The following DNM3 variants were observed in gnomAD, a reference collection of about 807,000 sequenced individuals.
The protein encoded by DNM3 is dynamin-3.
DNM3 carries 47 observed loss-of-function variants against 101.6 expected under a neutral mutation model. That is an observed-to-expected ratio of 0.46 (90% confidence interval 0.37 to 0.59). The LOEUF (loss-of-function observed/expected upper bound fraction) is 0.59, where lower values mean the gene tolerates loss of function less well. Among genes scored for constraint, DNM3 ranks in the 20% least tolerant of loss-of-function variants. The pLI is 0.00. For missense variants in DNM3, 849 were observed against 1,085.7 expected (o/e 0.78, Z 3.06); for synonymous variants, 385 against 387.9 (o/e 0.99, Z 0.09).
intron 1 of DNM3, among the ~76,000 whole-genome samples, chr1:171,908,391 T>G (rs2039003339): frequency 6.6e-6 from 1 of 152,222 alleles, no homozygotes; most frequent in Non-Finnish European, 1.5e-5. Flanking sequence ...TTAGGTTGCA[T>G]AAATATGTAA....
intron 7 of DNM3, among the ~76,000 whole-genome samples, chr1:172,039,076 G>A (rs2049172156): frequency 6.6e-6 from 1 of 151,966 alleles, no homozygotes; most frequent in African/African-American, 2.4e-5. Flanking sequence ...TGGTGTCTTG[G>A]GGTAGGATAG....
intron 13 of DNM3, 133 bp downstream of exon 13, chr1:172,093,008 G>T: frequency 6.0e-6 from 5 of 835,476 alleles, no homozygotes; most frequent in Admixed American, 3.2e-5. Context: ...ATTTTGATTT[G>T]TTTTTGCTTT....
intron 17 of DNM3, among the ~76,000 whole-genome samples, chr1:172,335,171 G>A (rs911764306): frequency 1.3e-5 from 2 of 152,122 alleles, no homozygotes; most frequent in African/African-American, 4.8e-5. Context: ...TGCCAATCAA[G>A]ATTTTTTTAA....
intron 14 of DNM3, among the ~76,000 whole-genome samples, chr1:172,210,407 A>G (rs1285275311): frequency 1.3e-5 from 2 of 149,608 alleles, no homozygotes; most frequent in African/African-American, 5.0e-5. Flanking sequence ...TTGCCTCCCT[A>G]AAGGATCACT....
At chr1:172,375,668 A>G (rs556391106) in intron 17 of DNM3, among the ~76,000 whole-genome samples, 34 of 152,222 alleles carry the variant, frequency 2.2e-4, no homozygotes, top group African/African-American at 8.2e-4. Flanking sequence ...GCCCCAAGGT[A>G]TGGTGAGAAT....
At chr1:172,195,369 A>T (rs598577) in intron 14 of DNM3, among the ~76,000 whole-genome samples, 35,680 of 151,618 alleles carry the variant, frequency 0.24, 7,002 homozygotes, top group African/African-American at 0.54. Context: ...GCACCTTCAA[A>T]CAAAGACAGT....
At position 171,873,567 on chromosome 1, in the gene DNM3, C is replaced by T. The variant is rs533762677; in HGVS notation, c.161+31750C>T. Among the ~76,000 whole-genome samples, 6 of 152,122 alleles carry T rather than the reference C, an allele frequency of 3.9e-5. No individual in the cohort carries two copies. The South Asian group carries it at 1.2e-3, about 32-fold the overall frequency. On this transcript the variant is annotated intron_variant, in intron 1 of 20. Transcript: ENST00000627582. ...AAAGGCAAAGCAGGGTAAGGGGGAT[C>T]AGGCATGTCCAAGAAGAAGAGGTGA...
At chr1:172,158,938 A>T (rs77578352) in intron 14 of DNM3, among the ~76,000 whole-genome samples, 64 of 152,204 alleles carry the variant, frequency 4.2e-4, no homozygotes, top group African/African-American at 1.5e-3. Flanking sequence ...GTTGATAAAA[A>T]CATGCTGGGG....
At chr1:172,075,223 A>G (rs2052554503) in intron 11 of DNM3, among the ~76,000 whole-genome samples, 2 of 151,582 alleles carry the variant, frequency 1.3e-5, no homozygotes, top group South Asian at 4.2e-4. Flanking sequence ...CCTTTGTCAG[A>G]TGGGTAGATT....
intron 2 of DNM3, among the ~76,000 whole-genome samples, chr1:171,976,498 T>G (rs1031168046): frequency 2.0e-5 from 3 of 152,160 alleles, no homozygotes; most frequent in Non-Finnish European, 1.5e-5. Context: ...TTCACTATCA[T>G]GAGAACAGAA....
chr1:172,332,536 C>T (rs994163799), intron 17 of DNM3, among the ~76,000 whole-genome samples: 7 of 152,160 alleles, frequency 4.6e-5, no homozygotes, highest in Non-Finnish European at 1.5e-5. Context: ...TCTCGAACTC[C>T]TGAGCTCAGG....
At chr1:171,979,118 A>T (rs747914394) in intron 2 of DNM3, among the ~76,000 whole-genome samples, 28 of 152,172 alleles carry the variant, frequency 1.8e-4, no homozygotes, top group Non-Finnish European at 3.5e-4. Context: ...TCAGCAAAGA[A>T]CCATGGAGAA....
At chr1:172,363,206 T>C (rs561492608) in intron 17 of DNM3, among the ~76,000 whole-genome samples, 1 of 151,978 alleles carries the variant, frequency 6.6e-6, no homozygotes, top group Non-Finnish European at 1.5e-5. Context: ...TCTATTCTTA[T>C]GGCTCCAGCT....
At chr1:172,287,863 G>T (rs926879319) in intron 15 of DNM3, among the ~76,000 whole-genome samples, 1 of 151,096 alleles carries the variant, frequency 6.6e-6, no homozygotes, top group Non-Finnish European at 1.5e-5. Context: ...TTGCTCTGTT[G>T]CCAGGCTGTG....
intron 1 of DNM3, among the ~76,000 whole-genome samples, chr1:171,857,532 A>G (rs2033736082): frequency 6.6e-6 from 1 of 152,164 alleles, no homozygotes; most frequent in Non-Finnish European, 1.5e-5. Flanking sequence ...CATCAAGCTC[A>G]GGGTTATCCA....
At chr1:171,849,683 C>A (rs2032682820) in intron 1 of DNM3, among the ~76,000 whole-genome samples, 1 of 151,650 alleles carries the variant, frequency 6.6e-6, no homozygotes, top group Non-Finnish European at 1.5e-5. Flanking sequence ...CCAATATATA[C>A]AAAGTGAACC....
chr1:171,876,139 T>A (rs1056928393), intron 1 of DNM3, among the ~76,000 whole-genome samples: 2 of 152,150 alleles, frequency 1.3e-5, no homozygotes, highest in African/African-American at 4.8e-5. Flanking sequence ...GATACGTACT[T>A]ACATCTTTAT....
At position 171,951,732 on chromosome 1, in the gene DNM3, C is replaced by A. The variant is rs12064937; in HGVS notation, c.235+29911C>A. On this transcript the variant is annotated intron_variant, in intron 2 of 20. Coordinates refer to ENST00000627582, the MANE Select transcript of DNM3 (RefSeq NM_015569.5). ...GTTTAAGCTTTAGTGGAGGTGTTGA[C>A]AAAAAACTAAGCTCTGTAAAACATT... Among the ~76,000 whole-genome samples, 1,496 of 152,118 alleles carry A rather than the reference C, an allele frequency of 9.8e-3. 34 individuals are homozygous for A. Among genetic ancestry groups the A allele is most frequent in the African/African-American group, 0.034 (1,414 of 41,508 alleles).
At chr1:172,256,819 C>T (rs575610158) in intron 15 of DNM3, among the ~76,000 whole-genome samples, 36 of 151,278 alleles carry the variant, frequency 2.4e-4, no homozygotes, top group African/African-American at 8.2e-4. Context: ...ATAGATTTCT[C>T]GCCAGGTAGT....
Sources: allele counts gnomAD v4.1 joint callset (sites outside exome capture counted in the v4.1 genomes callset), GRCh38; gene constraint gnomAD v4.1.1; transcripts MANE v1.5; gene names NCBI Gene and HGNC (gene_info 2026-07-23, HGNC 2026-07-21).